GPC6: variants seen among roughly 807,000 people sequenced by gnomAD.
GPC6 encodes the protein glypican 6.
Under a neutral mutation model 55.2 loss-of-function variants are expected in GPC6, and 14 were observed. The ratio of observed to expected loss-of-function variants is 0.25; its 90% CI spans 0.17 to 0.40. The LOEUF (loss-of-function observed/expected upper bound fraction) is 0.40, where lower values mean the gene tolerates loss of function less well. Among genes scored for constraint, GPC6 ranks in the 10% least tolerant of loss-of-function variants. The pLI is 1.00. For synonymous variants in GPC6, 278 were observed against 259.6 expected (o/e 1.07, Z -0.68); for missense variants, 641 against 708.5 (o/e 0.90, Z 1.08).
chr13:93,841,757 A>G (rs1887963205), intron 3 of GPC6, among the ~76,000 whole-genome samples: 1 of 152,224 alleles, frequency 6.6e-6, no homozygotes, highest in South Asian at 2.1e-4. Context: ...CATGTCAGAA[A>G]TGCCACTGTC....
intron 4 of GPC6, among the ~76,000 whole-genome samples, chr13:94,199,168 A>C (rs1889675947): frequency 6.6e-6 from 1 of 152,258 alleles, no homozygotes; most frequent in African/African-American, 2.4e-5. Flanking sequence ...GTGTTTGTGA[A>C]GAACTTTACT....
intron 3 of GPC6, among the ~76,000 whole-genome samples, chr13:93,932,018 T>A (rs1036247760): frequency 6.6e-6 from 1 of 152,212 alleles, no homozygotes; most frequent in African/African-American, 2.4e-5. Context: ...AGAGCCATCA[T>A]AAACATACTT....
At chr13:94,307,378 A>G (rs1287406156) in intron 6 of GPC6, among the ~76,000 whole-genome samples, 1 of 151,790 alleles carries the variant, frequency 6.6e-6, no homozygotes, top group Non-Finnish European at 1.5e-5. Flanking sequence ...GTGCAGTGTC[A>G]TGATCATGGC....
intron 2 of GPC6, among the ~76,000 whole-genome samples, chr13:93,686,760 A>G (rs370610673): frequency 6.6e-6 from 1 of 152,112 alleles, no homozygotes; most frequent in South Asian, 2.1e-4. Flanking sequence ...GAGGTGGTGA[A>G]TATAGAGAGT....
Position 93,301,919 on chromosome 13 carries a change from G to A in GPC6, c.160+74303G>A, listed in dbSNP as rs8001040. Among the ~76,000 whole-genome samples, 518 of 152,256 alleles carry A rather than the reference G, an allele frequency of 3.4e-3. 3 individuals carry two copies. The highest frequency in any genetic ancestry group is 0.012 in the African/African-American group (496 of 41,530). The stretch of plus-strand genomic sequence containing the variant: ...CCGATGGATTATTTGGCATAATGAC[G>A]AGAAATTACTAGTGTAAGGAACAAG... On this transcript the variant is annotated intron_variant, in intron 1 of 8. Transcript: ENST00000377047.
chr13:93,302,549 T>C (rs1878718283), intron 1 of GPC6, among the ~76,000 whole-genome samples: 1 of 152,206 alleles, frequency 6.6e-6, no homozygotes, highest in Non-Finnish European at 1.5e-5. Flanking sequence ...TTGATATTTA[T>C]AGGGCTGAAT....
intron 6 of GPC6, among the ~76,000 whole-genome samples, chr13:94,321,017 A>G (rs7326476): frequency 0.084 from 12,815 of 152,244 alleles, 1,840 homozygotes; most frequent in African/African-American, 0.29. Context: ...CGCCAACCAG[A>G]TAATAACCCT....
chr13:93,398,027 C>T (rs1314756842), intron 1 of GPC6, among the ~76,000 whole-genome samples: 1 of 152,068 alleles, frequency 6.6e-6, no homozygotes, highest in Non-Finnish European at 1.5e-5. Flanking sequence ...TTCTGGGTTC[C>T]TTTCTGGTTT....
At chr13:93,883,252 G>A (rs1449413620) in intron 3 of GPC6, among the ~76,000 whole-genome samples, 1 of 151,076 alleles carries the variant, frequency 6.6e-6, no homozygotes, top group East Asian at 1.9e-4. Context: ...TAAATGGCTG[G>A]ATGTCTAGAA....
At chr13:93,552,395 A>T (rs889859639) in intron 2 of GPC6, among the ~76,000 whole-genome samples, 3 of 151,974 alleles carry the variant, frequency 2.0e-5, no homozygotes, top group African/African-American at 4.8e-5. Context: ...AATGTGGTGC[A>T]TGTAGAACCC....
At chr13:93,366,268 T>C (rs988028878) in intron 1 of GPC6, among the ~76,000 whole-genome samples, 2 of 152,068 alleles carry the variant, frequency 1.3e-5, no homozygotes, top group South Asian at 4.1e-4. Flanking sequence ...TGAAAGCAAA[T>C]AGAAGTGCTA....
rs544515121 is a variant in GPC6 at position 93,341,436 on chromosome 13, C to T, written c.160+113820C>T. ...TGTTTTTTGACTTTTTAATAATGTCCATTCTTGCACGAGTAAGGTGGTATC... is the reference window on the plus strand; with the variant it reads ...TGTTTTTTGACTTTTTAATAATGTCTATTCTTGCACGAGTAAGGTGGTATC... On this transcript the variant is annotated intron_variant, in intron 1 of 8. Transcript: ENST00000377047. Among the ~76,000 whole-genome samples the T allele has an allele frequency of 2.0e-5, 3 of 152,270 alleles. No individual in the cohort carries two copies. The East Asian group carries it at 5.8e-4, about 29-fold the overall frequency.
chr13:93,768,520 T>C (rs1885193194), intron 2 of GPC6, among the ~76,000 whole-genome samples: 1 of 152,068 alleles, frequency 6.6e-6, no homozygotes, highest in African/African-American at 2.4e-5. Context: ...TCGGTAAATA[T>C]GGGTTGAATG....
rs16948844 is a variant in GPC6 at position 93,473,848 on chromosome 13, G to A, written c.161-71415G>A. 5.9e-3 allele frequency among the ~76,000 whole-genome samples: 897 copies of A among 152,256 alleles called. 9 individuals are homozygous for A. The highest frequency in any genetic ancestry group is 0.021 in the African/African-American group (854 of 41,538). On this transcript the variant is annotated intron_variant, in intron 1 of 8. Transcript: ENST00000377047. ...ACACAGGGCCGAATCCCAAGCCATG[G>A]ATTTTATAGTCTGGGCCTCTGGGTA...
intron 2 of GPC6, among the ~76,000 whole-genome samples, chr13:93,768,879 A>T (rs1885204477): frequency 6.6e-6 from 1 of 152,088 alleles, no homozygotes; most frequent in Non-Finnish European, 1.5e-5. Context: ...AGCTTCTTTC[A>T]TAAAAGGATG....
intron 1 of GPC6, among the ~76,000 whole-genome samples, chr13:93,521,209 A>T (rs746004408): frequency 6.6e-6 from 1 of 151,992 alleles, no homozygotes; most frequent in East Asian, 1.9e-4. Flanking sequence ...AATTTATTCT[A>T]GAGTCTTAAA....
At chr13:93,758,369 A>G (rs1263500477) in intron 2 of GPC6, among the ~76,000 whole-genome samples, 1 of 152,138 alleles carries the variant, frequency 6.6e-6, no homozygotes, top group Non-Finnish European at 1.5e-5. Flanking sequence ...CCACCAATGT[A>G]TCCAGGTTTA....
chr13:93,957,169 G>T (rs557404098), intron 3 of GPC6, among the ~76,000 whole-genome samples: 2 of 152,030 alleles, frequency 1.3e-5, no homozygotes, highest in Non-Finnish European at 2.9e-5. Context: ...ATCTGTAATA[G>T]TAAATAGTCA....
At chr13:94,313,058 A>T (rs1876338420) in intron 6 of GPC6, among the ~76,000 whole-genome samples, 1 of 152,144 alleles carries the variant, frequency 6.6e-6, no homozygotes, top group African/African-American at 2.4e-5. Context: ...AGCAAAATGC[A>T]GTGAGCTTTC....
Sources: allele counts gnomAD v4.1 joint callset (sites outside exome capture counted in the v4.1 genomes callset), GRCh38; gene constraint gnomAD v4.1.1; transcripts MANE v1.5; gene names NCBI Gene and HGNC (gene_info 2026-07-23, HGNC 2026-07-21).